Variants in ARHGEF5 observed in about 807,000 individuals in gnomAD.
ARHGEF5 encodes the protein Rho guanine nucleotide exchange factor 5.
A neutral mutation model predicts 104.0 loss-of-function variants in ARHGEF5; 11 were observed. The ratio of observed to expected loss-of-function variants is 0.11; its 90% CI spans 0.07 to 0.18. The LOEUF (loss-of-function observed/expected upper bound fraction) is 0.18, where lower values mean the gene tolerates loss of function less well. Ranked by LOEUF, ARHGEF5 falls within the 10% of genes least tolerant of loss-of-function variation. The probability of loss-of-function intolerance (pLI) is 1.00; values close to 1 mark genes in which losing one functional copy is unlikely to be tolerated. For synonymous variants in ARHGEF5, 60 were observed against 512.2 expected (o/e 0.12, Z 11.92); for missense variants, 165 against 1,335.4 (o/e 0.12, Z 13.66).
intron 13 of ARHGEF5, 28 bp downstream of exon 13, chr7:144,377,218 A>G (rs1313811859): frequency 4.2e-6 from 6 of 1,433,202 alleles, no homozygotes; most frequent in Non-Finnish European, 4.6e-6. Context: ...AGGGAGAGAA[A>G]AGAAAGCAGG....
intron 1 of ARHGEF5, among the ~76,000 whole-genome samples, chr7:144,357,623 T>G (rs2053606620): frequency 6.6e-6 from 1 of 150,442 alleles, no homozygotes; most frequent in Non-Finnish European, 1.5e-5. Context: ...TATATGGCAC[T>G]GAGTCTCAGT....
In ARHGEF5 at chr7:144,360,236, G is replaced by C. The variant is rs2525700; in HGVS notation, c.-12-2422G>C. On this transcript the variant is annotated intron_variant, in intron 1 of 14. Transcript: ENST00000056217. Reference sequence around the variant, plus strand: ...GATCCCTCTCCTGCCTCAGCCTCCCGAGTAGCTGGAACTACAGGCACGTGC... The same window carrying C: ...GATCCCTCTCCTGCCTCAGCCTCCCCAGTAGCTGGAACTACAGGCACGTGC... 2.6e-5 allele frequency among the ~76,000 whole-genome samples: 3 copies of C among 117,046 alleles called. 1 individual carries two copies. In the East Asian group the frequency reaches 8.9e-4, roughly 35 times the overall value. 76.8% of individuals were successfully genotyped at this position (117,046 alleles called of 152,430 possible).
chr7:144,379,418 C>T (rs986122299), intron 14 of ARHGEF5, among the ~76,000 whole-genome samples: 6 of 152,160 alleles, frequency 3.9e-5, no homozygotes, highest in African/African-American at 1.2e-4. Flanking sequence ...CCATATTGGT[C>T]AGGCTGGTCT....
intron 1 of ARHGEF5, among the ~76,000 whole-genome samples, chr7:144,359,047 T>A (rs2053618517): frequency 1.3e-5 from 1 of 77,804 alleles, no homozygotes; most frequent in African/African-American, 5.3e-5. Context: ...TGAGCAAGGG[T>A]CTAGGGTCTT....
In ARHGEF5 at chr7:144,378,773, G is replaced by C; in HGVS notation, c.4543G>C (p.Val1515Leu). ...DLLECYNSPQ[V>L]QCLRAYKPRE... ...CTTCTCTTCCAAAGACTCCCCCCAG[G>C]TACAGTGCCTTCGAGCCTACAAGCC... Residue 1515 changes from valine (V) to leucine (L), a missense_variant, in exon 14 of 15, where the codon GTA becomes CTA. Transcript: ENST00000056217. 1 of 1,613,824 alleles carries C rather than the reference G, an allele frequency of 6.2e-7. No individual in the cohort carries two copies. The highest frequency in any genetic ancestry group is 8.5e-7 in the Non-Finnish European group (1 of 1,179,868).
intron 13 of ARHGEF5, among the ~76,000 whole-genome samples, chr7:144,378,247 C>G (rs1360636683): frequency 6.6e-6 from 1 of 152,190 alleles, no homozygotes; most frequent in African/African-American, 2.4e-5. Context: ...AGCTCCAGGG[C>G]TTTCAGTCTC....
At chr7:144,358,758 A>AGTGTGTGTGTGT (rs71222348) in intron 1 of ARHGEF5, among the ~76,000 whole-genome samples, 17 of 90,886 alleles carry the variant, frequency 1.9e-4, no homozygotes, top group South Asian at 4.5e-4. Context: ...AGGATGGCTC[A>AGTGTGTGTGTGT]GTGTGTGTGT....
rs2053775290 is a variant in ARHGEF5, at chr7:144,378,228, G to A, written c.4532-534G>A. 2.0e-5 allele frequency among the ~76,000 whole-genome samples: 3 copies of A among 152,294 alleles called. No homozygotes were observed. In the South Asian group the frequency reaches 6.2e-4, roughly 32 times the overall value. On this transcript the variant is annotated intron_variant, in intron 13 of 14. Coordinates refer to ENST00000056217, the MANE Select transcript of ARHGEF5 (RefSeq NM_005435.4). ...AACCATCTTGATCACTGATAGATGAGTAAACTGAAGCTCCAGGGCTTTCAG... is the reference window on the plus strand; with the variant it reads ...AACCATCTTGATCACTGATAGATGAATAAACTGAAGCTCCAGGGCTTTCAG...
chr7:144,378,281 C>T (rs1485370141), intron 13 of ARHGEF5, among the ~76,000 whole-genome samples: 1 of 152,184 alleles, frequency 6.6e-6, no homozygotes, highest in Non-Finnish European at 1.5e-5. Flanking sequence ...ACCTGGGACA[C>T]CACTAGTTAA....
Position 144,380,323 on chromosome 7 carries a change from A to G in ARHGEF5, c.*267A>G. 1 of 387,536 alleles carries G rather than the reference A, an allele frequency of 2.6e-6. No individual in the cohort carries two copies. Among genetic ancestry groups the G allele is most frequent in the Non-Finnish European group, 4.8e-6 (1 of 210,408 alleles). The allele number at this position is 387,536 out of a possible 1,614,324, so 24.0% of individuals were successfully genotyped here. A position where few individuals can be genotyped will look rare whatever the true frequency, so the allele number is the denominator to read the frequency against. On this transcript the variant is annotated 3_prime_UTR_variant, in exon 15 of 15. Coordinates refer to ENST00000056217, the MANE Select transcript of ARHGEF5 (RefSeq NM_005435.4). ...GGACCATTGGGGCCTGAGCCAAGGA[A>G]CTTTCCTTCTACTGCCTTATAGTGC...
rs1239049945 is a variant in ARHGEF5, at chr7:144,379,776, T to G, written c.4637-123T>G. On this transcript the variant is annotated intron_variant, in intron 14 of 14. Transcript: ENST00000056217. ...ATGTTAGGACACTTGGAGGCTGGGT[T>G]TATGCTGGAGGCTCCCCAGTTCACT... 42 of 1,324,368 alleles carry G rather than the reference T, an allele frequency of 3.2e-5. No homozygotes were observed. The South Asian group carries it at 5.0e-4, about 16-fold the overall frequency. 82.0% of individuals were successfully genotyped at this position (1,324,368 alleles called of 1,614,324 possible).
At position 144,380,073 on chromosome 7, in the gene ARHGEF5, G is replaced by A. The variant is rs1176862250; in HGVS notation, c.*17G>A. 2 of 1,614,022 alleles carry A rather than the reference G, an allele frequency of 1.2e-6. No homozygotes were observed. The highest frequency in any genetic ancestry group is 1.7e-6 in the Non-Finnish European group (2 of 1,179,908). ...CAAGCCTAAGTCTTCTCTGAGAGGA[G>A]TTTCGTGAGCTGAAGAACAAGCTGC... is the stretch of plus-strand genomic sequence containing the variant. On this transcript the variant is annotated 3_prime_UTR_variant, in exon 15 of 15. Transcript: ENST00000056217.
intron 13 of ARHGEF5, among the ~76,000 whole-genome samples, chr7:144,377,891 A>T (rs1168804060): frequency 1.3e-5 from 2 of 152,210 alleles, no homozygotes; most frequent in South Asian, 2.1e-4. Flanking sequence ...TGCTGGCTTC[A>T]GTTCCCCAGT....
Position 144,379,927 on chromosome 7 carries a change from C to T in ARHGEF5, c.4665C>T (p.Asp1555=), listed in dbSNP as rs760755618. 43 of 1,614,176 alleles carry T rather than the reference C, an allele frequency of 2.7e-5. No individual in the cohort carries two copies. Among genetic ancestry groups the T allele is most frequent in the African/African-American group, 9.3e-5 (7 of 75,050 alleles). The change falls in exon 15 of 15, where the codon GAC becomes GAT. Residue 1555 remains aspartate, a synonymous_variant. Transcript: ENST00000056217. ...DGWLEGVRLS[D]GERGWFPVQQ... ...GGCTGGAGGGCGTGAGGCTCTCAGA[C>T]GGGGAGCGAGGCTGGTTTCCTGTGC...
Position 144,378,886 on chromosome 7 carries a change from A to C in ARHGEF5, c.4636+20A>C. Reference sequence around the variant, plus strand: ...GTGACGGTAAGCGGGAGCATGCGTGAGCAGCAGGCCAGGCACTGCAGGCAG... The same window carrying C: ...GTGACGGTAAGCGGGAGCATGCGTGCGCAGCAGGCCAGGCACTGCAGGCAG... On this transcript the variant is annotated intron_variant, in intron 14 of 14. Transcript: ENST00000056217. 1.9e-6 allele frequency: 3 copies of C among 1,608,256 alleles called. No individual in the cohort carries two copies. Among genetic ancestry groups the C allele is most frequent in the Non-Finnish European group, 2.6e-6 (3 of 1,174,840 alleles).
Position 144,380,026 on chromosome 7 carries a change from C to G in ARHGEF5, c.4764C>G (p.Ala1588=), listed in dbSNP as rs186573263. 1 of 1,614,172 alleles carries G rather than the reference C, an allele frequency of 6.2e-7. No individual in the cohort carries two copies. The highest frequency in any genetic ancestry group is 1.3e-5 in the African/African-American group (1 of 75,042). ...AGGAAGCTCATCGAGTCAAGACTGC[C>G]AAACTACAGCTGGTGGAACAGCAAG... The part of the protein sequence containing the change: ...NLKEAHRVKT[A]KLQLVEQQA The change falls in exon 15 of 15, where the codon GCC becomes GCG. Residue 1588 remains alanine (A), a synonymous_variant. Transcript: ENST00000056217.
chr7:144,360,519 C>G (rs1331936169), intron 1 of ARHGEF5, among the ~76,000 whole-genome samples: 2 of 90,144 alleles, frequency 2.2e-5, no homozygotes. Flanking sequence ...TTTTTAATGA[C>G]ATGTATGCAG....
At position 144,371,203 on chromosome 7, in the gene ARHGEF5, A is replaced by G. The variant is rs200693015; in HGVS notation, c.3574A>G (p.Ser1192Gly). 6.2e-7 allele frequency: 1 copy of G among 1,613,772 alleles called. No homozygotes were observed. Among genetic ancestry groups the G allele is most frequent in the Non-Finnish European group, 8.5e-7 (1 of 1,179,770 alleles). ...TGTGTCAGAGGCCTCCTACCTGCGC[A>G]GTCTAAACATAGCTGTGGATCATTT... ...LIVSEASYLRSLNIAVDHFQL... is the reference protein window; with the variant it reads ...LIVSEASYLRGLNIAVDHFQL... The change falls in exon 6 of 15, where the codon AGT (serine) becomes GGT (glycine). Residue 1192 changes from serine to glycine, a missense_variant. By Grantham distance (56) the Ser-to-Gly change is moderately conservative (BLOSUM62 0). Coordinates refer to ENST00000056217, the MANE Select transcript of ARHGEF5 (RefSeq NM_005435.4).
Position 144,380,051 on chromosome 7 carries a change from G to A in ARHGEF5, c.4789G>A (p.Ala1597Thr), listed in dbSNP as rs748003193. ...TAKLQLVEQQA is the reference protein window; with the variant it reads ...TAKLQLVEQQT ...CAAACTACAGCTGGTGGAACAGCAA[G>A]CCTAAGTCTTCTCTGAGAGGAGTTT... The change falls in exon 15 of 15, where the codon GCC becomes ACC. Residue 1597 changes from alanine (A) to threonine (T), a missense_variant. By Grantham distance (58) the Ala-to-Thr change is moderately conservative. Transcript: ENST00000056217. 2 of 1,614,198 alleles carry A rather than the reference G, an allele frequency of 1.2e-6. No individual in the cohort carries two copies. The highest frequency in any genetic ancestry group is 1.7e-5 in the Admixed American group (1 of 60,026).
Sources: gnomAD v4.1 joint callset for allele counts (sites outside exome capture counted in the v4.1 genomes callset) on GRCh38, gnomAD v4.1.1 for gene constraint, MANE v1.5 for transcripts, NCBI Gene and HGNC (gene_info 2026-07-23, HGNC 2026-07-21) for gene names.